The following ADAMTS16 variants were observed in gnomAD, a reference collection of about 807,000 sequenced individuals.
The protein encoded by ADAMTS16 is A disintegrin and metalloproteinase with thrombospondin motifs 16.
In ADAMTS16, 94 loss-of-function variants were observed where a neutral mutation model predicts 145.8. That is an observed-to-expected ratio of 0.64 (90% CI 0.55 to 0.77). The LOEUF is 0.77. Ranked by LOEUF, ADAMTS16 falls within the 30% of genes least tolerant of loss-of-function variation. ADAMTS16 has a pLI of 0.00. For synonymous variants in ADAMTS16, 659 were observed against 604.3 expected, an observed-to-expected ratio of 1.09 and a Z score of -1.33; for missense variants, 1,585 against 1,591.5, an observed-to-expected ratio of 1.00 and a Z score of 0.07.
chr5:5,189,834 C>T (rs569172787), intron 6 of ADAMTS16, 137 bp from the exon 7 acceptor site: 24 of 986,724 alleles, frequency 2.4e-5, no homozygotes, highest in African/African-American at 2.1e-4. Context: ...GTAAAATACA[C>T]GCGTTAGCTT....
chr5:5,222,358 C>A (rs1220106926), intron 10 of ADAMTS16, among the ~76,000 whole-genome samples: 1 of 119,668 alleles, frequency 8.4e-6, no homozygotes, highest in Non-Finnish European at 1.8e-5. Context: ...GATGGATGGA[C>A]AAGTGAACAA....
intron 20 of ADAMTS16, among the ~76,000 whole-genome samples, chr5:5,305,449 TCCACACCACACACACACACATC>T (rs1561001007): frequency 8.0e-5 from 1 of 12,446 alleles, no homozygotes; most frequent in Non-Finnish European, 1.6e-4. Context: ...CACACACACA[TCCACACCACACACACACACATC>T]CCACACCACA....
intron 17 of ADAMTS16, 25 bp from the exon 18 acceptor site, chr5:5,262,632 T>G (rs1738071788): frequency 6.2e-7 from 1 of 1,606,568 alleles, no homozygotes; most frequent in Admixed American, 1.7e-5. Flanking sequence ...TGAGTCTTTA[T>G]TCTACATTTC....
At chr5:5,189,649 G>GA (rs1245235871) in intron 6 of ADAMTS16, among the ~76,000 whole-genome samples, 7 of 152,064 alleles carry the variant, frequency 4.6e-5, no homozygotes, top group Non-Finnish European at 8.8e-5. Flanking sequence ...ACTTAATTTT[G>GA]AAAAGTGTTT....
chr5:5,197,060 C>T (rs542837337), intron 8 of ADAMTS16, among the ~76,000 whole-genome samples: 1 of 152,322 alleles, frequency 6.6e-6, no homozygotes, highest in East Asian at 1.9e-4. Context: ...AAGCCTGCGT[C>T]AGGGCTCTGG....
chr5:5,287,823 G>C (rs535547165), intron 18 of ADAMTS16, among the ~76,000 whole-genome samples: 2 of 152,236 alleles, frequency 1.3e-5, no homozygotes, highest in East Asian at 3.9e-4. Flanking sequence ...TTTGTGGATG[G>C]TCCTAACTGG....
intron 18 of ADAMTS16, among the ~76,000 whole-genome samples, chr5:5,292,640 C>T (rs920708620): frequency 1.3e-5 from 2 of 152,258 alleles, no homozygotes; most frequent in South Asian, 2.1e-4. Context: ...CAAATGCCGT[C>T]GTGTGGCCTC....
chr5:5,209,274 G>C (rs370863865), intron 10 of ADAMTS16, 28 bp downstream of exon 10: 2 of 1,610,206 alleles, frequency 1.2e-6, no homozygotes, highest in South Asian at 1.1e-5. Flanking sequence ...CATGCTCAAT[G>C]CAACATGATT....
At chr5:5,230,474 C>A (rs907714182) in intron 11 of ADAMTS16, among the ~76,000 whole-genome samples, 1 of 152,036 alleles carries the variant, frequency 6.6e-6, no homozygotes, top group Non-Finnish European at 1.5e-5. Flanking sequence ...AGTGAAAGAG[C>A]TTCGAAGAAA....
At chr5:5,205,317 G>GA (rs112399321) in intron 9 of ADAMTS16, among the ~76,000 whole-genome samples, 64 of 135,634 alleles carry the variant, frequency 4.7e-4, no homozygotes, top group African/African-American at 6.2e-4. Context: ...TGGAAAAAAA[G>GA]AAAAAAAAAA....
At chr5:5,209,755 A>G (rs775162551) in intron 10 of ADAMTS16, among the ~76,000 whole-genome samples, 36 of 152,176 alleles carry the variant, frequency 2.4e-4, no homozygotes, top group Non-Finnish European at 4.3e-4. Context: ...TGATTTAGTA[A>G]CAGAAATTGC....
At position 5,193,759 on chromosome 5, in the gene ADAMTS16, C is replaced by G. The variant is rs575955279; in HGVS notation, c.1313+1969C>G. Among the ~76,000 whole-genome samples, 55 of 152,154 alleles carry G rather than the reference C, an allele frequency of 3.6e-4. 1 individual carries two copies. Among genetic ancestry groups the G allele is most frequent in the African/African-American group, 1.1e-3 (44 of 41,508 alleles). On this transcript the variant is annotated intron_variant, in intron 8 of 22. Coordinates refer to ENST00000274181, the MANE Select transcript of ADAMTS16 (RefSeq NM_139056.4). ...GGTGTAGTTGGAAAAAGATTTTCTC[C>G]AAACAAGAAAAAAATATTTTTTCTG...
chr5:5,140,581 C>G lies in ADAMTS16; in HGVS notation c.72+42C>G, dbSNP rs552929690. 154 of 1,508,568 alleles carry G rather than the reference C, an allele frequency of 1.0e-4. 1 individual carries two copies. The East Asian group carries it at 3.6e-3, about 35-fold the overall frequency. The allele number at this position is 1,508,568 out of a possible 1,614,324, so 93.4% of individuals were successfully genotyped here. A position where few individuals can be genotyped will look rare whatever the true frequency, so the allele number is the denominator to read the frequency against. On this transcript the variant is annotated intron_variant, in intron 1 of 22. Transcript: ENST00000274181. ...CCCACCAGCGCGGAAACCGCGGGTC[C>G]GGACAGCTGGAGGCGAGTCCCCCGC...
chr5:5,164,434 G>A (rs938367758), intron 3 of ADAMTS16, among the ~76,000 whole-genome samples: 2 of 152,248 alleles, frequency 1.3e-5, no homozygotes, highest in Admixed American at 1.3e-4. Context: ...AGCTTTCTTA[G>A]TTGCCTCTGT....
chr5:5,231,713 C>T (rs751922119), intron 11 of ADAMTS16, among the ~76,000 whole-genome samples: 1 of 152,130 alleles, frequency 6.6e-6, no homozygotes, highest in Non-Finnish European at 1.5e-5. Context: ...ATTTGCCATG[C>T]GGAATTTAGC....
intron 15 of ADAMTS16, among the ~76,000 whole-genome samples, 192 bp downstream of exon 15, chr5:5,239,466 T>C (rs994134882): frequency 3.9e-5 from 6 of 152,160 alleles, no homozygotes; most frequent in Non-Finnish European, 7.4e-5. Flanking sequence ...TGCAATAAAA[T>C]TGTTCTTAGG....
At chr5:5,294,214 C>A (rs1200416876) in intron 18 of ADAMTS16, among the ~76,000 whole-genome samples, 1 of 152,120 alleles carries the variant, frequency 6.6e-6, no homozygotes, top group East Asian at 1.9e-4. Flanking sequence ...GAACCAGAAC[C>A]AATTATATGC....
rs759934681 is a variant in ADAMTS16 at position 5,239,800 on chromosome 5, C to G, written c.2398C>G (p.His800Asp). ...CCTCAGAAGGTACTACCTGAATGGG[C>G]ACTGGACCGTGGACTGGCCCGGCCG... is the stretch of plus-strand genomic sequence containing the variant. ...NALRRYYLNGHWTVDWPGRYK... is the reference protein window; with the variant it reads ...NALRRYYLNGDWTVDWPGRYK... Residue 800 changes from histidine (H) to aspartate (D), a missense_variant, in exon 16 of 23, where the codon CAC becomes GAC. This residue lies in a region of ADAMTS16 where 834 missense variants were observed against 811.7 expected (regional missense o/e 1.03). Transcript: ENST00000274181. The G allele has an allele frequency of 3.7e-6, 6 of 1,613,984 alleles. No individual in the cohort carries two copies. In the African/African-American group the frequency reaches 8.0e-5, roughly 22 times the overall value.
chr5:5,164,407 A>G (rs1734812160), intron 3 of ADAMTS16, among the ~76,000 whole-genome samples: 1 of 152,216 alleles, frequency 6.6e-6, no homozygotes, highest in Admixed American at 6.5e-5. Context: ...CCTTCCTGGC[A>G]CTGGCTGCAG....
Sources: allele counts gnomAD v4.1 joint callset (sites outside exome capture counted in the v4.1 genomes callset), GRCh38; gene constraint gnomAD v4.1.1; regional missense constraint gnomAD v4.1.1; transcripts MANE v1.5; gene names NCBI Gene and HGNC (gene_info 2026-07-23, HGNC 2026-07-21).